WDR53: variants seen among roughly 807,000 people sequenced by gnomAD.
WDR53 encodes the protein WD repeat-containing protein 53.
In WDR53, 19 loss-of-function variants were observed where a neutral mutation model predicts 21.3. The ratio of observed to expected loss-of-function variants is 0.89; its 90% CI spans 0.62 to 1.31. The LOEUF is 1.31. WDR53 is among the 50% of genes most tolerant of loss of function. The pLI is 0.00. For missense variants in WDR53, 374 were observed against 423.2 expected (o/e 0.88, Z 1.02); for synonymous variants, 157 against 163.4 (o/e 0.96, Z 0.30).
chr3:196,555,993 A>C (rs1421841046), intron 3 of WDR53, among the ~76,000 whole-genome samples: 5 of 152,246 alleles, frequency 3.3e-5, no homozygotes. Context: ...AGCTAAAGTA[A>C]AATAAATAAA....
chr3:196,554,379 G>A lies in WDR53; in HGVS notation c.909C>T (p.Asn303=), dbSNP rs149053894. 92 of 1,614,088 alleles carry A rather than the reference G, an allele frequency of 5.7e-5. No individual in the cohort carries two copies. Among genetic ancestry groups the A allele is most frequent in the Middle Eastern group, 3.3e-4 (2 of 6,062 alleles). Residue 303 remains asparagine (N), a synonymous_variant, in exon 4 of 4, where the codon AAC becomes AAT. Transcript: ENST00000332629. ...GTCTKQGGNT[N]ASVTDEEEHG... ...GTTCTTCCTCATCTGTTACTGAAGC[G>A]TTAGTATTTCCACCCTGCTTGGTGC...
intron 2 of WDR53, among the ~76,000 whole-genome samples, chr3:196,566,097 GT>G (rs1279673515): frequency 1.3e-5 from 2 of 149,132 alleles, no homozygotes; most frequent in Admixed American, 6.7e-5. Flanking sequence ...TTTTTCTTGT[GT>G]TTTTTTTTTG....
chr3:196,562,098 C>T (rs562338194), intron 2 of WDR53, among the ~76,000 whole-genome samples: 3 of 152,242 alleles, frequency 2.0e-5, no homozygotes, highest in African/African-American at 4.8e-5. Context: ...CGGTGCAAAG[C>T]GGCATTACAT....
In WDR53 at chr3:196,554,482, T is replaced by A; in HGVS notation, c.806A>T (p.Asp269Val). 1.2e-6 allele frequency: 2 copies of A among 1,614,172 alleles called. No homozygotes were observed. Among genetic ancestry groups the A allele is most frequent in the Non-Finnish European group, 1.7e-6 (2 of 1,180,016 alleles). The stretch of plus-strand genomic sequence containing the variant: ...TTTTTTCTCAACTTCACTGTTTGCA[T>A]CCCACAACGTGATCTTCCCATCATT... ...GGNDGKITLW[D>V]ANSEVEKKQK... The change falls in exon 4 of 4, where the codon GAT becomes GTT. Residue 269 changes from aspartate (D) to valine (V), a missense_variant. Transcript: ENST00000332629.
At chr3:196,565,035 A>G (rs1341451579) in intron 2 of WDR53, among the ~76,000 whole-genome samples, 1 of 152,308 alleles carries the variant, frequency 6.6e-6, no homozygotes, top group Non-Finnish European at 1.5e-5. Flanking sequence ...AAGACAGGCA[A>G]TAAACGAATT....
At position 196,563,452 on chromosome 3, in the gene WDR53, C is replaced by T. The variant is rs192662943; in HGVS notation, c.-16-1961G>A. Among the ~76,000 whole-genome samples, 11 of 152,340 alleles carry T rather than the reference C, an allele frequency of 7.2e-5. No homozygotes were observed. In the East Asian group the frequency reaches 1.5e-3, roughly 21 times the overall value. ...AGCGAAAGGAGAGCTTACCCGAGTG[C>T]CAGCCCCCAGAGCTGTTGTGCTATT... On this transcript the variant is annotated intron_variant, in intron 2 of 3. Coordinates refer to ENST00000332629, the MANE Select transcript of WDR53 (RefSeq NM_182627.3).
rs1734738561 is a variant in WDR53, at chr3:196,560,577, T to C, written c.480+419A>G. Among the ~76,000 whole-genome samples, 3 of 152,350 alleles carry C rather than the reference T, an allele frequency of 2.0e-5. No individual in the cohort carries two copies. The South Asian group carries it at 6.2e-4, about 32-fold the overall frequency. On this transcript the variant is annotated intron_variant, in intron 3 of 3. Coordinates refer to ENST00000332629, the MANE Select transcript of WDR53 (RefSeq NM_182627.3). The stretch of plus-strand genomic sequence containing the variant: ...AAACTCAGCATTGAATACAGTGCTC[T>C]GATCCTGATCACCAATACACACTAT...
At chr3:196,554,836 T>A (rs201019738) in intron 3 of WDR53, 29 bp from the exon 4 acceptor site, 1 of 1,563,738 alleles carries the variant, frequency 6.4e-7, no homozygotes. Context: ...TACACAGTCA[T>A]ACAAAATGCT....
chr3:196,565,204 A>G (rs1411194143), intron 2 of WDR53, among the ~76,000 whole-genome samples: 1 of 151,712 alleles, frequency 6.6e-6, no homozygotes, highest in Admixed American at 6.6e-5. Flanking sequence ...AATCACATAG[A>G]TAATATTTAC....
At position 196,566,999 on chromosome 3, in the gene WDR53, A is replaced by T; in HGVS notation, c.-139T>A. On this transcript the variant is annotated 5_prime_UTR_variant, in exon 2 of 4. Transcript: ENST00000332629. ...CAAAGGCTCTGCCTCGGCTGCACTG[A>T]GACACGATAAAGGCCAGTCTTTAAA... is the stretch of plus-strand genomic sequence containing the variant. 2 of 326,640 alleles carry T rather than the reference A, an allele frequency of 6.1e-6. No homozygotes were observed. Among genetic ancestry groups the T allele is most frequent in the East Asian group, 1.7e-4 (2 of 11,646 alleles). The allele number at this position is 326,640 out of a possible 1,614,324, so 20.2% of individuals were successfully genotyped here. A position where few individuals can be genotyped will look rare whatever the true frequency, so the allele number is the denominator to read the frequency against.
chr3:196,554,625 A>T lies in WDR53; in HGVS notation c.663T>A (p.Val221=). 1.9e-6 allele frequency: 3 copies of T among 1,614,160 alleles called. No homozygotes were observed. Among genetic ancestry groups the T allele is most frequent in the Non-Finnish European group, 2.5e-6 (3 of 1,180,020 alleles). The change falls in exon 4 of 4, where the codon GTT becomes GTA. Residue 221 remains valine (V), a synonymous_variant. Transcript: ENST00000332629. ...TAACTCCCATCACCCGAAAGATTCG[A>T]ACCTTACCATCTTCTGCACCACAAC... is the stretch of plus-strand genomic sequence containing the variant. The part of the protein sequence containing the change: ...IFSCGAEDGK[V]RIFRVMGVKC...
Position 196,561,501 on chromosome 3 carries a change from G to T in WDR53, c.-16-10C>A, listed in dbSNP as rs776438542. 1.3e-6 allele frequency: 2 copies of T among 1,584,494 alleles called. No individual in the cohort carries two copies. The highest frequency in any genetic ancestry group is 2.3e-5 in the South Asian group (2 of 87,218). ...AATGGTCCCGGAGACTCTGTGAAGT[G>T]GGGGAAACAACTGTAATCTCATGTT... On this transcript the variant is annotated splice_polypyrimidine_tract_variant and intron_variant, in intron 2 of 3. Coordinates refer to ENST00000332629, the MANE Select transcript of WDR53 (RefSeq NM_182627.3).
At chr3:196,559,781 A>G (rs1240020301) in intron 3 of WDR53, among the ~76,000 whole-genome samples, 1 of 152,126 alleles carries the variant, frequency 6.6e-6, no homozygotes, top group Admixed American at 6.6e-5. Context: ...AATACCTGTC[A>G]TCTTAGAGAA....
chr3:196,564,432 C>T (rs1735186169), intron 2 of WDR53, among the ~76,000 whole-genome samples: 2 of 131,218 alleles, frequency 1.5e-5, no homozygotes, highest in African/African-American at 5.8e-5. Context: ...CTTGCTCTGT[C>T]ATGCAGGCCT....
intron 3 of WDR53, 60 bp downstream of exon 3, chr3:196,560,936 T>C: frequency 6.5e-7 from 1 of 1,542,288 alleles, no homozygotes; most frequent in Non-Finnish European, 8.7e-7. Flanking sequence ...GATCAATAAT[T>C]TGATCCTGTT....
intron 3 of WDR53, among the ~76,000 whole-genome samples, chr3:196,560,507 G>A (rs991819371): frequency 6.6e-6 from 1 of 152,082 alleles, no homozygotes; most frequent in African/African-American, 2.4e-5. Flanking sequence ...AAAGTGCTGG[G>A]ATTACAGGCG....
chr3:196,563,043 T>C (rs1226626893), intron 2 of WDR53, among the ~76,000 whole-genome samples: 1 of 152,202 alleles, frequency 6.6e-6, no homozygotes, highest in Non-Finnish European at 1.5e-5. Context: ...GGGGTCTCCC[T>C]ATGTTGCCCA....
intron 1 of WDR53, among the ~76,000 whole-genome samples, chr3:196,567,751 TTGTGTGTGTG>T (rs3080583): frequency 4.9e-4 from 71 of 143,668 alleles, no homozygotes; most frequent in African/African-American, 1.5e-3. Context: ...GCTGAAATTC[TTGTGTGTGTG>T]TGTGTGTGTG....
At chr3:196,557,967 G>C (rs962267875) in intron 3 of WDR53, among the ~76,000 whole-genome samples, 1 of 151,722 alleles carries the variant, frequency 6.6e-6, no homozygotes, top group Non-Finnish European at 1.5e-5. Context: ...TGTAGAGATG[G>C]GGTTTCGCTA....
Sources: gnomAD v4.1 joint callset for allele counts (sites outside exome capture counted in the v4.1 genomes callset) on GRCh38, gnomAD v4.1.1 for gene constraint, MANE v1.5 for transcripts, NCBI Gene and HGNC (gene_info 2026-07-23, HGNC 2026-07-21) for gene names.